Variants in ZZZ3 observed in about 807,000 individuals in gnomAD.
ZZZ3 encodes the protein ZZ-type zinc finger-containing protein 3.
In ZZZ3, 22 loss-of-function variants were observed where a neutral mutation model predicts 95.2. The ratio of observed to expected loss-of-function variants is 0.23; its 90% confidence interval spans 0.17 to 0.33. The LOEUF is 0.33. Among genes scored for constraint, ZZZ3 ranks in the 10% least tolerant of loss-of-function variants. ZZZ3 has a pLI of 1.00. For synonymous variants in ZZZ3, 335 were observed against 358.9 expected, an observed-to-expected ratio of 0.93 and a Z score of 0.75; for missense variants, 885 against 1,066.5, an observed-to-expected ratio of 0.83 and a Z score of 2.37.
rs1660760536 is a variant in ZZZ3, at chr1:77,565,779, T to C, written c.2573A>G (p.His858Arg). Residue 858 changes from histidine to arginine, a missense_variant, in exon 15 of 15, where the codon CAT (histidine) becomes CGT (arginine). His to Arg is a conservative substitution (Grantham distance 29). Coordinates refer to ENST00000370801, the MANE Select transcript of ZZZ3 (RefSeq NM_015534.6). ...ATCTTCCTTGTGAATATCTGTTTCA[T>C]GTAGACTGTAAAGAAAAAAAGACAC... ...DFCDSCSDCL[H>R]ETDIHKEDHQ... The C allele has an allele frequency of 1.2e-6, 2 of 1,611,840 alleles. No homozygotes were observed. The highest frequency in any genetic ancestry group is 2.2e-5 in the East Asian group (1 of 44,850).
At chr1:77,626,206 A>C (rs916404677) in intron 5 of ZZZ3, among the ~76,000 whole-genome samples, 1 of 152,212 alleles carries the variant, frequency 6.6e-6, no homozygotes, top group African/African-American at 2.4e-5. Context: ...TTAGAGCAGC[A>C]GTCCCCAACC....
At chr1:77,566,611 C>T (rs1660856694) in intron 13 of ZZZ3, among the ~76,000 whole-genome samples, 1 of 152,162 alleles carries the variant, frequency 6.6e-6, no homozygotes, top group Admixed American at 6.5e-5. Flanking sequence ...CCACAGCTGC[C>T]TCCTGTAGTG....
At chr1:77,609,990 C>A (rs1278891767) in intron 5 of ZZZ3, among the ~76,000 whole-genome samples, 2 of 150,908 alleles carry the variant, frequency 1.3e-5, no homozygotes, top group Non-Finnish European at 1.5e-5. Flanking sequence ...CAAACCAAAC[C>A]CAAAATTAGA....
intron 5 of ZZZ3, among the ~76,000 whole-genome samples, chr1:77,621,673 C>T (rs537503809): frequency 6.9e-6 from 1 of 145,504 alleles, no homozygotes; most frequent in African/African-American, 2.8e-5. Flanking sequence ...AAAAATTAGC[C>T]ACGTGTGGTG....
At chr1:77,639,339 G>GCC (rs1668566485) in intron 4 of ZZZ3, 110 bp downstream of exon 4, 1 of 800,874 alleles carries the variant, frequency 1.2e-6, no homozygotes, top group Admixed American at 3.6e-5. Flanking sequence ...ACTACAAGTT[G>GCC]CCACCCAGAG....
chr1:77,639,448 C>T lies in ZZZ3; in HGVS notation c.-52+1G>A, dbSNP rs769984550. 6.6e-7 allele frequency: 1 copy of T among 1,519,392 alleles called. No individual in the cohort carries two copies. The highest frequency in any genetic ancestry group is 1.3e-5 in the South Asian group (1 of 77,078). The allele number at this position is 1,519,392 out of a possible 1,614,324, so 94.1% of individuals were successfully genotyped here. A position where few individuals can be genotyped will look rare whatever the true frequency, so the allele number is the denominator to read the frequency against. On this transcript the variant is annotated splice_donor_variant, in intron 4 of 14. Coordinates refer to ENST00000370801, the MANE Select transcript of ZZZ3 (RefSeq NM_015534.6). LOFTEE classifies it low-confidence loss of function (5UTR_SPLICE). ...CACTACTGCAAAACTAAATAACTTA[C>T]CTGTACAACCAAAGATCTATCATTG...
At chr1:77,644,062 C>CTT (rs112932216) in intron 1 of ZZZ3, among the ~76,000 whole-genome samples, 12 of 143,684 alleles carry the variant, frequency 8.4e-5, no homozygotes, top group Non-Finnish European at 1.2e-4. Context: ...AAATAACTTT[C>CTT]TTTTTTTTTT....
chr1:77,671,009 GGGGGGTGGT>G (rs1434442260), intron 1 of ZZZ3, among the ~76,000 whole-genome samples: 1 of 151,284 alleles, frequency 6.6e-6, no homozygotes, highest in African/African-American at 2.4e-5. Flanking sequence ...TGTTTTTTTG[GGGGGGTGGT>G]GGGGGTTGTT....
chr1:77,571,458 C>G (rs2100487529), intron 12 of ZZZ3, among the ~76,000 whole-genome samples: 1 of 152,240 alleles, frequency 6.6e-6, no homozygotes, highest in Non-Finnish European at 1.5e-5. Context: ...CCCAAAAGAA[C>G]TGAAAGCAGG....
At chr1:77,578,581 G>T (rs1472313006) in intron 11 of ZZZ3, among the ~76,000 whole-genome samples, 193 bp downstream of exon 11, 4 of 152,080 alleles carry the variant, frequency 2.6e-5, no homozygotes, top group Non-Finnish European at 5.9e-5. Flanking sequence ...AGAAAATAAT[G>T]AAGAATCATG....
intron 10 of ZZZ3, 49 bp from the exon 11 acceptor site, chr1:77,578,918 C>A (rs748134357): frequency 2.4e-6 from 3 of 1,233,604 alleles, no homozygotes; most frequent in Non-Finnish European, 3.3e-6. Context: ...ACATACAATA[C>A]CTGAGTCGTT....
chr1:77,573,989 A>C (rs1661664598), intron 12 of ZZZ3, among the ~76,000 whole-genome samples: 2 of 151,652 alleles, frequency 1.3e-5, no homozygotes, highest in African/African-American at 2.4e-5. Flanking sequence ...AAAGTAAAAT[A>C]AAGTGAATTA....
intron 5 of ZZZ3, among the ~76,000 whole-genome samples, chr1:77,592,055 G>A (rs369655459): frequency 6.6e-6 from 1 of 151,794 alleles, no homozygotes; most frequent in South Asian, 2.1e-4. Context: ...CCTCACTCCA[G>A]CCCCCAAGGA....
At position 77,574,581 on chromosome 1, in the gene ZZZ3, C is replaced by T. The variant is rs148201231; in HGVS notation, c.2331+1487G>A. Reference sequence around the variant, plus strand: ...GATATAGTCTCTAAATACCATTTCCCAGTAAAAAGAAGGACTGACTCTGGG... The same window carrying T: ...GATATAGTCTCTAAATACCATTTCCTAGTAAAAAGAAGGACTGACTCTGGG... On this transcript the variant is annotated intron_variant, in intron 12 of 14. Transcript: ENST00000370801. Among the ~76,000 whole-genome samples the T allele has an allele frequency of 4.8e-3, 725 of 152,184 alleles. 4 individuals carry two copies. Among genetic ancestry groups the T allele is most frequent in the Non-Finnish European group, 7.2e-3 (489 of 67,994 alleles).
intron 5 of ZZZ3, among the ~76,000 whole-genome samples, chr1:77,588,581 C>T (rs201918227): frequency 2.6e-5 from 4 of 152,080 alleles, no homozygotes; most frequent in South Asian, 2.1e-4. Context: ...GGATAGCACC[C>T]AATCACCATA....
At chr1:77,576,042 A>G (rs748751980) in intron 12 of ZZZ3, 26 bp downstream of exon 12, 7 of 1,571,232 alleles carry the variant, frequency 4.5e-6, no homozygotes, top group Non-Finnish European at 5.2e-6. Flanking sequence ...CTTGATGTAT[A>G]TAACAACTTG....
chr1:77,598,372 TGAGGAGAAGGAA>T (rs148387528), intron 5 of ZZZ3, among the ~76,000 whole-genome samples: 1 of 152,204 alleles, frequency 6.6e-6, no homozygotes, highest in East Asian at 1.9e-4. Flanking sequence ...TTGAATAGGC[TGAGGAGAAGGAA>T]GAGGAGGGGT....
intron 11 of ZZZ3, 31 bp downstream of exon 11, chr1:77,578,743 C>G: frequency 8.0e-7 from 1 of 1,252,350 alleles, no homozygotes; most frequent in Non-Finnish European, 1.1e-6. Flanking sequence ...TAAATTTAAT[C>G]TACAGTTTAC....
At chr1:77,614,272 G>A (rs1163100898) in intron 5 of ZZZ3, among the ~76,000 whole-genome samples, 1 of 152,146 alleles carries the variant, frequency 6.6e-6, no homozygotes, top group Non-Finnish European at 1.5e-5. Flanking sequence ...TAGTGGAACA[G>A]CAACTACAGA....
Sources: allele counts gnomAD v4.1 joint callset (sites outside exome capture counted in the v4.1 genomes callset), GRCh38; gene constraint gnomAD v4.1.1; transcripts MANE v1.5; gene names NCBI Gene and HGNC (gene_info 2026-07-23, HGNC 2026-07-21).